KIAA1328: variants seen among roughly 807,000 people sequenced by gnomAD.
KIAA1328 encodes protein hinderin.
A neutral mutation model predicts 68.1 loss-of-function variants in KIAA1328; 52 were observed. The observed-to-expected ratio is 0.76, with a 90% CI of 0.61 to 0.96. The LOEUF (loss-of-function observed/expected upper bound fraction) is 0.96, where lower values mean the gene tolerates loss of function less well. Ranked by LOEUF, KIAA1328 falls within the 40% of genes least tolerant of loss-of-function variation. The probability of loss-of-function intolerance (pLI) is 0.00; values close to 1 mark genes in which losing one functional copy is unlikely to be tolerated. For missense variants in KIAA1328, 641 were observed against 677.6 expected (o/e 0.95, Z 0.60); for synonymous variants, 232 against 239.4 (o/e 0.97, Z 0.28).
intron 7 of KIAA1328, among the ~76,000 whole-genome samples, chr18:37,093,236 G>A (rs1214009401): frequency 6.6e-6 from 1 of 152,134 alleles, no homozygotes. Flanking sequence ...CACAAGAAAT[G>A]TGAAAAAGCA....
At chr18:37,210,185 G>A (rs148589499) in intron 9 of KIAA1328, among the ~76,000 whole-genome samples, 1 of 152,332 alleles carries the variant, frequency 6.6e-6, no homozygotes, top group East Asian at 1.9e-4. Flanking sequence ...TGGACACCAT[G>A]TCAAACTGGC....
intron 7 of KIAA1328, among the ~76,000 whole-genome samples, chr18:37,092,277 T>C (rs1386850357): frequency 1.3e-5 from 2 of 152,046 alleles, no homozygotes; most frequent in African/African-American, 2.4e-5. Context: ...CTGCCACTGG[T>C]GCCTGCACTC....
chr18:37,211,351 A>G (rs1277575388), intron 9 of KIAA1328, among the ~76,000 whole-genome samples: 1 of 152,096 alleles, frequency 6.6e-6, no homozygotes, highest in African/African-American at 2.4e-5. Flanking sequence ...AATTATTCCA[A>G]ATTATGTCTA....
At chr18:37,083,675 T>C (rs2057015553) in intron 7 of KIAA1328, among the ~76,000 whole-genome samples, 2 of 152,224 alleles carry the variant, frequency 1.3e-5, no homozygotes, top group South Asian at 2.1e-4. Flanking sequence ...GTTAGTGAGC[T>C]GTACCCCTAA....
At chr18:36,859,432 T>G (rs1406264419) in intron 4 of KIAA1328, among the ~76,000 whole-genome samples, 1 of 152,086 alleles carries the variant, frequency 6.6e-6, no homozygotes, top group African/African-American at 2.4e-5. Context: ...TATTTTTTAA[T>G]GTCTATATCT....
chr18:36,853,487 T>C (rs1449805356), intron 4 of KIAA1328, among the ~76,000 whole-genome samples: 1 of 152,070 alleles, frequency 6.6e-6, no homozygotes, highest in Non-Finnish European at 1.5e-5. Context: ...TTCTTAGTGG[T>C]TACCCTGGGG....
intron 7 of KIAA1328, among the ~76,000 whole-genome samples, chr18:37,070,717 C>A (rs1469791760): frequency 2.6e-5 from 4 of 151,794 alleles, no homozygotes; most frequent in Non-Finnish European, 5.9e-5. Flanking sequence ...ATTACAGGTG[C>A]CCACCACCAT....
chr18:37,118,475 A>G (rs1375486311), intron 7 of KIAA1328, among the ~76,000 whole-genome samples: 3 of 152,194 alleles, frequency 2.0e-5, no homozygotes, highest in Admixed American at 6.5e-5. Flanking sequence ...CTCACAGAAC[A>G]TAGAACTAAG....
intron 6 of KIAA1328, among the ~76,000 whole-genome samples, chr18:37,000,093 A>C (rs1454563968): frequency 2.6e-5 from 4 of 152,126 alleles, no homozygotes. Context: ...TGATCCAACC[A>C]TATGCTGCAT....
chr18:36,842,329 C>T (rs546737085), intron 3 of KIAA1328, among the ~76,000 whole-genome samples: 1 of 152,242 alleles, frequency 6.6e-6, no homozygotes, highest in East Asian at 1.9e-4. Context: ...AAACTGGAAT[C>T]AGCAGTACTT....
intron 3 of KIAA1328, among the ~76,000 whole-genome samples, chr18:36,840,453 T>A (rs1312582172): frequency 6.6e-6 from 1 of 151,350 alleles, no homozygotes; most frequent in Non-Finnish European, 1.5e-5. Flanking sequence ...AGAGCATGTC[T>A]TGTGATTTTT....
At chr18:36,833,788 G>C (rs922702990) in intron 1 of KIAA1328, among the ~76,000 whole-genome samples, 5 of 152,196 alleles carry the variant, frequency 3.3e-5, no homozygotes, top group African/African-American at 1.2e-4. Context: ...TTTTTAAATA[G>C]TAGGGCTTCT....
intron 6 of KIAA1328, among the ~76,000 whole-genome samples, chr18:36,984,694 T>G (rs2052837798): frequency 6.6e-6 from 1 of 151,884 alleles, no homozygotes; most frequent in Non-Finnish European, 1.5e-5. Flanking sequence ...GATCATGAAG[T>G]CAAGAGATCG....
chr18:36,960,378 G>A (rs192308125), intron 6 of KIAA1328, among the ~76,000 whole-genome samples: 162 of 152,342 alleles, frequency 1.1e-3, no homozygotes, highest in Middle Eastern at 6.8e-3. Flanking sequence ...CTGTGGGCAG[G>A]GCATTGCTGA....
intron 9 of KIAA1328, among the ~76,000 whole-genome samples, chr18:37,199,990 G>A (rs182678057): frequency 8.1e-4 from 123 of 152,318 alleles, no homozygotes; most frequent in Admixed American, 6.3e-3. Context: ...AGTTAGATAA[G>A]GTATAAGTTG....
At chr18:37,169,183 T>G (rs1000829121) in intron 8 of KIAA1328, among the ~76,000 whole-genome samples, 4 of 150,854 alleles carry the variant, frequency 2.7e-5, no homozygotes, top group African/African-American at 4.9e-5. Context: ...TTTTTTTTTT[T>G]GAGACAGAGT....
chr18:37,103,365 A>G (rs929232314), intron 7 of KIAA1328, among the ~76,000 whole-genome samples: 1 of 152,218 alleles, frequency 6.6e-6, no homozygotes, highest in African/African-American at 2.4e-5. Context: ...ATTTATAGCC[A>G]TCTTACTTTT....
intron 9 of KIAA1328, among the ~76,000 whole-genome samples, chr18:37,194,219 G>A (rs1481631672): frequency 1.3e-5 from 2 of 152,130 alleles, no homozygotes; most frequent in African/African-American, 2.4e-5. Flanking sequence ...TACAACTCAT[G>A]TATCATCTAC....
chr18:37,131,671 A>G (rs1195718473), intron 7 of KIAA1328, among the ~76,000 whole-genome samples: 1 of 152,216 alleles, frequency 6.6e-6, no homozygotes, highest in Non-Finnish European at 1.5e-5. Context: ...CAGAATTTTA[A>G]AACTATGGTT....
Sources: allele counts gnomAD v4.1 joint callset (sites outside exome capture counted in the v4.1 genomes callset), GRCh38; gene constraint gnomAD v4.1.1; transcripts MANE v1.5; gene names NCBI Gene and HGNC (gene_info 2026-07-23, HGNC 2026-07-21).